Variants in CSMD3 observed in about 807,000 individuals in gnomAD.
CSMD3 encodes the protein CUB and Sushi multiple domains 3.
Under a neutral mutation model 435.2 loss-of-function variants are expected in CSMD3, and 177 were observed. The ratio of observed to expected loss-of-function variants is 0.41; its 90% CI spans 0.36 to 0.46. The LOEUF (loss-of-function observed/expected upper bound fraction) is 0.46, where lower values mean the gene tolerates loss of function less well. Among genes scored for constraint, CSMD3 ranks in the 20% least tolerant of loss-of-function variants. The probability of loss-of-function intolerance (pLI) is 0.34; values close to 1 mark genes in which losing one functional copy is unlikely to be tolerated. For missense variants in CSMD3, 4,265 were observed against 4,504.6 expected (o/e 0.95, Z 1.52); for synonymous variants, 1,656 against 1,520.5 (o/e 1.09, Z -2.07).
chr8:112,767,597 T>C (rs2078011377), intron 13 of CSMD3, among the ~76,000 whole-genome samples: 3 of 151,736 alleles, frequency 2.0e-5, no homozygotes, highest in Admixed American at 1.3e-4. Flanking sequence ...AATAAATTAA[T>C]ATAAGCAAAG....
chr8:112,417,471 T>C (rs775958138), intron 32 of CSMD3, among the ~76,000 whole-genome samples: 5 of 152,210 alleles, frequency 3.3e-5, no homozygotes, highest in East Asian at 3.8e-4. Flanking sequence ...TAAATATATA[T>C]GTTCCTAATT....
At chr8:112,886,102 G>T (rs1420772598) in intron 10 of CSMD3, among the ~76,000 whole-genome samples, 1 of 151,514 alleles carries the variant, frequency 6.6e-6, no homozygotes, top group African/African-American at 2.4e-5. Context: ...GGATTCTGTG[G>T]TTTTACTTGT....
chr8:112,883,842 C>A (rs1011354322), intron 10 of CSMD3, among the ~76,000 whole-genome samples: 1 of 145,750 alleles, frequency 6.9e-6, no homozygotes, highest in Non-Finnish European at 1.5e-5. Context: ...CCAATTGTCA[C>A]TTTTTTTGTA....
At chr8:112,581,193 G>A (rs1364169837) in intron 23 of CSMD3, among the ~76,000 whole-genome samples, 3 of 152,008 alleles carry the variant, frequency 2.0e-5, no homozygotes, top group African/African-American at 7.2e-5. Context: ...TTCAGGGGAG[G>A]AAGGTGAGAT....
intron 13 of CSMD3, among the ~76,000 whole-genome samples, chr8:112,715,350 T>C (rs1461879771): frequency 1.3e-5 from 2 of 152,136 alleles, no homozygotes; most frequent in African/African-American, 4.8e-5. Context: ...CCTGGACTCA[T>C]GCACCCTCCA....
chr8:113,171,007 A>G (rs1179420662), intron 4 of CSMD3, among the ~76,000 whole-genome samples: 1 of 140,564 alleles, frequency 7.1e-6, no homozygotes, highest in African/African-American at 2.5e-5. Context: ...ATGGCAATAG[A>G]AAAAAAAAAA....
At chr8:112,447,616 T>C (rs1271105537) in intron 32 of CSMD3, among the ~76,000 whole-genome samples, 1 of 152,216 alleles carries the variant, frequency 6.6e-6, no homozygotes, top group African/African-American at 2.4e-5. Context: ...TCTGTGGACC[T>C]AGCTATCTGG....
chr8:113,206,123 ATGTTC>A (rs1372686426), intron 3 of CSMD3, among the ~76,000 whole-genome samples: 2 of 152,150 alleles, frequency 1.3e-5, no homozygotes, highest in Non-Finnish European at 2.9e-5. Flanking sequence ...AGCATAATAA[ATGTTC>A]TGTCTGGCTC....
At chr8:113,330,257 T>C (rs771364217) in intron 1 of CSMD3, among the ~76,000 whole-genome samples, 4 of 151,982 alleles carry the variant, frequency 2.6e-5, no homozygotes, top group Admixed American at 6.6e-5. Flanking sequence ...AACTAGAATG[T>C]TGAAGTAAGA....
At chr8:113,158,600 A>G (rs1356944116) in intron 4 of CSMD3, among the ~76,000 whole-genome samples, 2 of 152,058 alleles carry the variant, frequency 1.3e-5, no homozygotes, top group Non-Finnish European at 2.9e-5. Context: ...TAAAATGCCT[A>G]TCCCTGAATA....
chr8:112,587,404 A>T (rs926908004), intron 22 of CSMD3, among the ~76,000 whole-genome samples, 169 bp from the exon 23 acceptor site: 1 of 151,796 alleles, frequency 6.6e-6, no homozygotes, highest in African/African-American at 2.4e-5. Context: ...CTCAAATAAC[A>T]TATGGGTGGA....
At position 112,639,525 on chromosome 8, in the gene CSMD3, T is replaced by TAATAC. The variant is rs1269400829; in HGVS notation, c.3311-615_3311-614insGTATT. On this transcript the variant is annotated intron_variant, in intron 20 of 70. Coordinates refer to ENST00000297405, the MANE Select transcript of CSMD3 (RefSeq NM_198123.2). ...GACACCTTTGTAAATAGTATCCAAA[T>TAATAC]CAATAGCCACAATAATACCAACACC... Among the ~76,000 whole-genome samples the TAATAC allele has an allele frequency of 4.6e-5, 7 of 152,240 alleles. No individual in the cohort carries two copies. The East Asian group carries it at 9.7e-4, about 21-fold the overall frequency.
intron 32 of CSMD3, among the ~76,000 whole-genome samples, chr8:112,418,457 C>T (rs1043677648): frequency 6.6e-5 from 10 of 152,196 alleles, no homozygotes; most frequent in African/African-American, 2.2e-4. Flanking sequence ...ATACTGTATA[C>T]TCTGAACTGT....
At chr8:113,124,665 A>T (rs1406688092) in intron 4 of CSMD3, among the ~76,000 whole-genome samples, 1 of 151,970 alleles carries the variant, frequency 6.6e-6, no homozygotes, top group Non-Finnish European at 1.5e-5. Flanking sequence ...AGTGAATTGC[A>T]AATATATTAT....
intron 30 of CSMD3, among the ~76,000 whole-genome samples, chr8:112,493,646 C>T (rs1387160002): frequency 1.3e-5 from 2 of 152,164 alleles, no homozygotes; most frequent in Middle Eastern, 3.4e-3. Flanking sequence ...AAATAAAATC[C>T]TTTCAGAGCA....
At chr8:112,617,262 A>C (rs767993032) in intron 22 of CSMD3, among the ~76,000 whole-genome samples, 2 of 152,208 alleles carry the variant, frequency 1.3e-5, no homozygotes, top group African/African-American at 2.4e-5. Flanking sequence ...TCCATGTCTC[A>C]ACACAAAGAG....
chr8:113,182,073 T>C (rs1465900553), intron 3 of CSMD3, among the ~76,000 whole-genome samples: 1 of 152,086 alleles, frequency 6.6e-6, no homozygotes, highest in Non-Finnish European at 1.5e-5. Flanking sequence ...GGCACAAATG[T>C]CAAATGAGTA....
chr8:112,772,630 A>G (rs1257796074), intron 13 of CSMD3, among the ~76,000 whole-genome samples: 1 of 152,020 alleles, frequency 6.6e-6, no homozygotes, highest in Non-Finnish European at 1.5e-5. Flanking sequence ...TAAAAGAGGA[A>G]GGAACGCCTC....
intron 13 of CSMD3, among the ~76,000 whole-genome samples, chr8:112,770,557 A>C (rs774093894): frequency 3.9e-4 from 60 of 151,974 alleles, no homozygotes; most frequent in Non-Finnish European, 4.6e-4. Context: ...AGACAACCAC[A>C]TTTCAAGTTC....
Sources: gnomAD v4.1 joint callset for allele counts (sites outside exome capture counted in the v4.1 genomes callset) on GRCh38, gnomAD v4.1.1 for gene constraint, MANE v1.5 for transcripts, NCBI Gene and HGNC (gene_info 2026-07-23, HGNC 2026-07-21) for gene names.